Variants in FGF2 observed in about 807,000 individuals in gnomAD.
FGF2 encodes the protein fibroblast growth factor 2.
Under a neutral mutation model 15.9 loss-of-function variants are expected in FGF2, and 13 were observed. The observed-to-expected ratio is 0.82, with a 90% CI of 0.53 to 1.30. The LOEUF is 1.30. Ranked by LOEUF, FGF2 falls within the 50% of genes most tolerant of loss-of-function variation. FGF2 has a pLI of 0.00. For synonymous variants in FGF2, 90 were observed against 78.4 expected (o/e 1.15, Z -0.78); for missense variants, 163 against 196.9 (o/e 0.83, Z 1.03).
In FGF2 at chr4:122,879,186, C is replaced by T. The variant is rs369537951; in HGVS notation, c.282+2762C>T. 2.6e-4 allele frequency among the ~76,000 whole-genome samples: 40 copies of T among 152,296 alleles called. No homozygotes were observed. The South Asian group carries it at 6.6e-3, about 25-fold the overall frequency. ...GCCTTTTATTCTGCCAATCTATTGT[C>T]AGCTCAAGAGGTGATGTAATAGTTT... On this transcript the variant is annotated intron_variant, in intron 2 of 2. Transcript: ENST00000644866.
At chr4:122,841,836 A>C (rs1725990453) in intron 1 of FGF2, among the ~76,000 whole-genome samples, 1 of 152,330 alleles carries the variant, frequency 6.6e-6, no homozygotes, top group Non-Finnish European at 1.5e-5. Flanking sequence ...TTTTTCTTGG[A>C]AGATACTGCA....
rs1727271638 is a variant in FGF2 at position 122,893,979 on chromosome 4, T to C, written c.*1583T>C. ...ATACTCGTTTTGCCTCTATTTTTCT[T>C]GTTTGTCAAATAGTAAATGATATTT... is the stretch of plus-strand genomic sequence containing the variant. On this transcript the variant is annotated 3_prime_UTR_variant, in exon 3 of 3. Coordinates refer to ENST00000644866, the MANE Select transcript of FGF2 (RefSeq NM_001361665.2). 1 of 152,240 alleles carries C rather than the reference T, an allele frequency of 6.6e-6. No individual in the cohort carries two copies. 9.4% of individuals were successfully genotyped at this position (152,240 alleles called of 1,614,324 possible).
intron 1 of FGF2, among the ~76,000 whole-genome samples, chr4:122,861,987 A>C (rs1264807755): frequency 6.6e-6 from 1 of 152,170 alleles, no homozygotes; most frequent in Admixed American, 6.5e-5. Context: ...GAGTGCTCTC[A>C]AAGTAGCCTG....
rs1359739059 is a variant in FGF2, at chr4:122,846,886, G to C, written c.178+19534G>C. 5.9e-5 allele frequency among the ~76,000 whole-genome samples: 9 copies of C among 152,202 alleles called. No homozygotes were observed. The East Asian group carries it at 1.7e-3, about 29-fold the overall frequency. On this transcript the variant is annotated intron_variant, in intron 1 of 2. Coordinates refer to ENST00000644866, the MANE Select transcript of FGF2 (RefSeq NM_001361665.2). Reference sequence around the variant, plus strand: ...CAGCCAGAAGAAGTTCCTGTTTCGGGAAACACTTGTGGACTGGGGTTTTTT... The same window carrying C: ...CAGCCAGAAGAAGTTCCTGTTTCGGCAAACACTTGTGGACTGGGGTTTTTT...
chr4:122,829,977 C>CT (rs1320622792), intron 1 of FGF2, among the ~76,000 whole-genome samples: 1 of 152,210 alleles, frequency 6.6e-6, no homozygotes, highest in Non-Finnish European at 1.5e-5. Context: ...CAGTTTCCTA[C>CT]TACATTATGG....
chr4:122,847,603 C>CTCCA lies in FGF2; in HGVS notation c.178+20253_178+20254insCATC, dbSNP rs71599172. 7.5e-3 allele frequency among the ~76,000 whole-genome samples: 1,062 copies of CTCCA among 141,998 alleles called. 7 individuals are homozygous for CTCCA. Among genetic ancestry groups the CTCCA allele is most frequent in the African/African-American group, 0.019 (656 of 34,376 alleles). The allele number at this position is 141,998 out of a possible 152,430, so 93.2% of individuals were successfully genotyped here. ...GAGAAACTGAATGAATAGGAGATCA[C>CTCCA]TCTATCTATCTATCTATCTATCTAT... On this transcript the variant is annotated intron_variant, in intron 1 of 2. Transcript: ENST00000644866.
At chr4:122,886,140 C>T (rs1193354358) in intron 2 of FGF2, among the ~76,000 whole-genome samples, 1 of 151,684 alleles carries the variant, frequency 6.6e-6, no homozygotes, top group Non-Finnish European at 1.5e-5. Context: ...AAATTGGTCT[C>T]GAACTCCTGG....
In FGF2 at chr4:122,829,062, C is replaced by A. The variant is rs1030450779; in HGVS notation, c.178+1710C>A. ...CCCCTAATACTCTTTTTTTTTCAGA[C>A]TCTATTAGTTGCTGAATCATTTTTT... On this transcript the variant is annotated intron_variant, in intron 1 of 2. Coordinates refer to ENST00000644866, the MANE Select transcript of FGF2 (RefSeq NM_001361665.2). Among the ~76,000 whole-genome samples the A allele has an allele frequency of 9.9e-5, 15 of 151,708 alleles. No individual in the cohort carries two copies. In the East Asian group the frequency reaches 2.9e-3, roughly 29 times the overall value.
rs1167946257 is a variant in FGF2, at chr4:122,893,660, A to C, written c.*1264A>C. ...TGCTGGAGGTGTTTGATCAGTTTTCAAGAAACTTGGAATATAAATAATTTT... is the reference window on the plus strand; with the variant it reads ...TGCTGGAGGTGTTTGATCAGTTTTCCAGAAACTTGGAATATAAATAATTTT... On this transcript the variant is annotated 3_prime_UTR_variant, in exon 3 of 3. Coordinates refer to ENST00000644866, the MANE Select transcript of FGF2 (RefSeq NM_001361665.2). 1 of 153,586 alleles carries C rather than the reference A, an allele frequency of 6.5e-6. No homozygotes were observed. The highest frequency in any genetic ancestry group is 1.4e-5 in the Non-Finnish European group (1 of 69,022). 9.5% of individuals were successfully genotyped at this position (153,586 alleles called of 1,614,324 possible).
chr4:122,882,836 A>G (rs1439602455), intron 2 of FGF2: 1 of 151,886 alleles, frequency 6.6e-6, no homozygotes, highest in Non-Finnish European at 1.5e-5. Context: ...TTTCAGCAGC[A>G]ATCCTGTCTC....
In FGF2 at chr4:122,827,109, CG is replaced by C; in HGVS notation, c.-61del. On this transcript the variant is annotated 5_prime_UTR_variant, in exon 1 of 3. Coordinates refer to ENST00000644866, the MANE Select transcript of FGF2 (RefSeq NM_001361665.2). The surrounding 1 kb of genome is among the most constrained non-coding windows in gnomAD (Gnocchi z 4.2). ...GCGGGTCGGAGGCCGGGGCCGGGGC[CG>C]GGGGACGGCGGCTCCCCGCGCGGCT... The C allele has an allele frequency of 8.0e-7, 1 of 1,253,564 alleles. No individual in the cohort carries two copies. The highest frequency in any genetic ancestry group is 1.0e-6 in the Non-Finnish European group (1 of 1,001,574). 77.7% of individuals were successfully genotyped at this position (1,253,564 alleles called of 1,614,324 possible).
At chr4:122,881,242 T>G (rs1464507927) in intron 2 of FGF2, among the ~76,000 whole-genome samples, 2 of 152,154 alleles carry the variant, frequency 1.3e-5, no homozygotes. Flanking sequence ...CCCAGAGACA[T>G]TTTCCTCATT....
intron 2 of FGF2, chr4:122,882,534 C>T (rs1260311877): frequency 6.6e-6 from 1 of 152,234 alleles, no homozygotes; most frequent in Non-Finnish European, 1.5e-5. Flanking sequence ...GAAAGTTAGT[C>T]TTAAATGTGT....
In FGF2 at chr4:122,897,897, G is replaced by A; in HGVS notation, c.*5501G>A. 2 of 527,052 alleles carry A rather than the reference G, an allele frequency of 3.8e-6. No homozygotes were observed. The highest frequency in any genetic ancestry group is 6.8e-6 in the Non-Finnish European group (2 of 292,870). 32.6% of individuals were successfully genotyped at this position (527,052 alleles called of 1,614,324 possible). A position where few individuals can be genotyped will look rare whatever the true frequency, so the allele number is the denominator to read the frequency against. Reference sequence around the variant, plus strand: ...AATCTTTTCCCACCTTTTCTCTTCAGGAAATATAAGTGGTTTTGTTTGGTT... The same window carrying A: ...AATCTTTTCCCACCTTTTCTCTTCAAGAAATATAAGTGGTTTTGTTTGGTT... On this transcript the variant is annotated 3_prime_UTR_variant, in exon 3 of 3. Transcript: ENST00000644866.
chr4:122,877,411 C>T (rs551697600), intron 2 of FGF2, among the ~76,000 whole-genome samples: 1 of 152,320 alleles, frequency 6.6e-6, no homozygotes, highest in East Asian at 1.9e-4. Flanking sequence ...CCGTGCCTGG[C>T]TGTAGAGAGG....
intron 1 of FGF2, among the ~76,000 whole-genome samples, chr4:122,862,364 C>A (rs866808831): frequency 1.3e-5 from 2 of 152,130 alleles, no homozygotes; most frequent in African/African-American, 2.4e-5. Context: ...ATTCATCATC[C>A]TGGGGCATAT....
intron 1 of FGF2, among the ~76,000 whole-genome samples, chr4:122,869,432 G>A (rs1420065458): frequency 6.6e-6 from 1 of 152,188 alleles, no homozygotes; most frequent in Non-Finnish European, 1.5e-5. Flanking sequence ...TGGGCAGTAT[G>A]TCCATTTTCA....
intron 1 of FGF2, among the ~76,000 whole-genome samples, chr4:122,862,098 C>G (rs1355492281): frequency 6.6e-6 from 1 of 152,096 alleles, no homozygotes; most frequent in Non-Finnish European, 1.5e-5. Flanking sequence ...GGCTAAAGAC[C>G]AATGTTATAT....
At chr4:122,864,425 TG>T (rs139435672) in intron 1 of FGF2, among the ~76,000 whole-genome samples, 103 of 152,278 alleles carry the variant, frequency 6.8e-4, no homozygotes, top group African/African-American at 2.4e-3. Context: ...CACCGTCAGT[TG>T]GTGGGGGACA....
Sources: allele counts gnomAD v4.1 joint callset (sites outside exome capture counted in the v4.1 genomes callset), GRCh38; gene constraint gnomAD v4.1.1; non-coding constraint Gnocchi (gnomAD v3.1); transcripts MANE v1.5; gene names NCBI Gene and HGNC (gene_info 2026-07-23, HGNC 2026-07-21).